The following EXOC4 variants were observed in gnomAD, a reference collection of about 807,000 sequenced individuals.
The protein encoded by EXOC4 is SEC8-like 1.
EXOC4 carries 71 observed loss-of-function variants against 107.2 expected under a neutral mutation model. The ratio of observed to expected loss-of-function variants is 0.66; its 90% confidence interval spans 0.55 to 0.81. EXOC4 has a LOEUF of 0.81. Ranked by LOEUF, EXOC4 falls within the 30% of genes least tolerant of loss-of-function variation. EXOC4 has a pLI of 0.00. For missense variants in EXOC4, 1,108 were observed against 1,189.6 expected, an observed-to-expected ratio of 0.93 and a Z score of 1.01; for synonymous variants, 456 against 441.2, an observed-to-expected ratio of 1.03 and a Z score of -0.42.
chr7:133,417,580 A>G (rs76302127), intron 7 of EXOC4, among the ~76,000 whole-genome samples: 1 of 152,290 alleles, frequency 6.6e-6, no homozygotes, highest in African/African-American at 2.4e-5. Flanking sequence ...TTCTACTTGT[A>G]CACAGAATGG....
intron 2 of EXOC4, among the ~76,000 whole-genome samples, 175 bp downstream of exon 2, chr7:133,275,346 T>G (rs189011560): frequency 1.3e-5 from 2 of 152,200 alleles, no homozygotes; most frequent in East Asian, 3.9e-4. Flanking sequence ...ACAGAAGGCA[T>G]CCTCGGCTGA....
intron 9 of EXOC4, among the ~76,000 whole-genome samples, chr7:133,556,596 G>C (rs1471649512): frequency 6.6e-6 from 1 of 152,170 alleles, no homozygotes; most frequent in African/African-American, 2.4e-5. Flanking sequence ...GTAAGGATGG[G>C]ATCTAGTTTC....
At chr7:133,674,420 A>G (rs185224289) in intron 10 of EXOC4, among the ~76,000 whole-genome samples, 22 of 152,310 alleles carry the variant, frequency 1.4e-4, no homozygotes, top group Non-Finnish European at 2.9e-4. Flanking sequence ...TTTAAATTTT[A>G]TCACGATAAT....
intron 10 of EXOC4, among the ~76,000 whole-genome samples, chr7:133,724,808 T>G (rs1321126516): frequency 6.6e-6 from 1 of 152,190 alleles, no homozygotes; most frequent in African/African-American, 2.4e-5. Context: ...AAGTACAAAG[T>G]ACCTGAAAGA....
At chr7:133,596,657 G>C (rs1388578469) in intron 9 of EXOC4, among the ~76,000 whole-genome samples, 2 of 152,106 alleles carry the variant, frequency 1.3e-5, no homozygotes, top group East Asian at 3.9e-4. Context: ...TCATTTCCCT[G>C]CCAATATCAT....
intron 9 of EXOC4, among the ~76,000 whole-genome samples, chr7:133,487,690 C>T (rs1162799889): frequency 6.6e-6 from 1 of 152,056 alleles, no homozygotes; most frequent in East Asian, 1.9e-4. Context: ...GCCTGGGCGA[C>T]AGAGTGAGAC....
At position 133,306,075 on chromosome 7, in the gene EXOC4, T is replaced by C; in HGVS notation, c.656+14T>C. ...AGGGAAAATCAGGTTAAAGAGGCTC[T>C]TTGCTATAAGTGTCTTGTGGCAGTG... On this transcript the variant is annotated intron_variant, in intron 4 of 17. Transcript: ENST00000253861. 1 of 1,603,948 alleles carries C rather than the reference T, an allele frequency of 6.2e-7. No individual in the cohort carries two copies. Among genetic ancestry groups the C allele is most frequent in the Middle Eastern group, 1.7e-4 (1 of 6,028 alleles).
chr7:133,323,171 A>T (rs1337968236), intron 5 of EXOC4, among the ~76,000 whole-genome samples: 4 of 152,142 alleles, frequency 2.6e-5, no homozygotes, highest in Non-Finnish European at 5.9e-5. Context: ...AGACAATTGG[A>T]CTTCCTCTTT....
chr7:133,418,579 A>G (rs897635188), intron 7 of EXOC4, among the ~76,000 whole-genome samples: 28 of 152,186 alleles, frequency 1.8e-4, no homozygotes, highest in African/African-American at 6.3e-4. Context: ...GGTGAGGACC[A>G]CATTCTTTAA....
At chr7:134,050,628 C>A (rs952632942) in intron 17 of EXOC4, among the ~76,000 whole-genome samples, 1 of 152,090 alleles carries the variant, frequency 6.6e-6, no homozygotes. Context: ...ATGAAGTAGG[C>A]TCTAGATACT....
intron 10 of EXOC4, among the ~76,000 whole-genome samples, chr7:133,773,178 G>T (rs919393144): frequency 4.0e-5 from 6 of 151,888 alleles, no homozygotes; most frequent in Admixed American, 3.9e-4. Context: ...TATTTTATGG[G>T]CCACCCAGTA....
the EXOC4 span, among the ~76,000 whole-genome samples, chr7:134,073,020 C>T: frequency 1.4e-3 from 206 of 151,802 alleles, no homozygotes; most frequent in African/African-American, 4.9e-3. Context: ...GCCTGGCCAA[C>T]ATGGTGAAAC....
chr7:134,032,981 T>C (rs1795301788), intron 17 of EXOC4, among the ~76,000 whole-genome samples: 1 of 152,142 alleles, frequency 6.6e-6, no homozygotes, highest in South Asian at 2.1e-4. Context: ...TACTGTACTT[T>C]CACAGAGAAA....
chr7:133,686,857 G>T (rs762341940), intron 10 of EXOC4, among the ~76,000 whole-genome samples: 1 of 152,010 alleles, frequency 6.6e-6, no homozygotes, highest in Admixed American at 6.6e-5. Flanking sequence ...CCACTACTGG[G>T]TATCTGCCCA....
intron 10 of EXOC4, among the ~76,000 whole-genome samples, chr7:133,703,108 C>T (rs1794700293): frequency 6.6e-6 from 1 of 152,150 alleles, no homozygotes; most frequent in South Asian, 2.1e-4. Context: ...TCTCACTTGA[C>T]ATGTGAAATC....
At chr7:133,741,282 C>T (rs1795558708) in intron 10 of EXOC4, among the ~76,000 whole-genome samples, 1 of 152,180 alleles carries the variant, frequency 6.6e-6, no homozygotes, top group Non-Finnish European at 1.5e-5. Flanking sequence ...TTGTCTCTCC[C>T]CACCAGGCCT....
chr7:133,645,366 A>G (rs1006426406), intron 10 of EXOC4, among the ~76,000 whole-genome samples: 2 of 151,664 alleles, frequency 1.3e-5, no homozygotes, highest in Admixed American at 1.3e-4. Flanking sequence ...TGCTAGGATT[A>G]CAGGCATGAG....
chr7:133,625,818 C>T (rs1217059241), intron 9 of EXOC4, among the ~76,000 whole-genome samples: 1 of 152,080 alleles, frequency 6.6e-6, no homozygotes, highest in Non-Finnish European at 1.5e-5. Flanking sequence ...TATCACCTGG[C>T]CTCTCACAGC....
chr7:133,395,851 T>C (rs2150723934), intron 7 of EXOC4, among the ~76,000 whole-genome samples: 1 of 152,242 alleles, frequency 6.6e-6, no homozygotes, highest in South Asian at 2.1e-4. Context: ...TCTTTAGGGA[T>C]TGTTTAGCTC....
Sources: allele counts gnomAD v4.1 joint callset (sites outside exome capture counted in the v4.1 genomes callset), GRCh38; gene constraint gnomAD v4.1.1; transcripts MANE v1.5; gene names NCBI Gene and HGNC (gene_info 2026-07-23, HGNC 2026-07-21).